Variants in CMTM8 observed in about 807,000 individuals in gnomAD.
The protein encoded by CMTM8 is CKLF-like MARVEL transmembrane domain-containing protein 8.
Under a neutral mutation model 18.6 loss-of-function variants are expected in CMTM8, and 12 were observed. The observed-to-expected ratio is 0.65, with a 90% CI of 0.41 to 1.05. The LOEUF is 1.05. Ranked by LOEUF, CMTM8 falls within the 50% of genes least tolerant of loss-of-function variation. CMTM8 has a pLI of 0.00. For missense variants in CMTM8, 217 were observed against 227.2 expected, an observed-to-expected ratio of 0.95 and a Z score of 0.29; for synonymous variants, 87 against 90.6, an observed-to-expected ratio of 0.96 and a Z score of 0.23.
intron 1 of CMTM8, among the ~76,000 whole-genome samples, chr3:32,264,218 C>T (rs193071798): frequency 2.6e-5 from 4 of 152,290 alleles, no homozygotes; most frequent in African/African-American, 9.6e-5. Flanking sequence ...GGGTTACCCA[C>T]GAGGGGAAGC....
chr3:32,287,334 TAC>T (rs1185229646), intron 1 of CMTM8, among the ~76,000 whole-genome samples: 1 of 152,230 alleles, frequency 6.6e-6, no homozygotes, highest in Non-Finnish European at 1.5e-5. Context: ...ATTAAAATGT[TAC>T]AGAGTCATAA....
At chr3:32,341,967 G>T (rs1178360283) in intron 1 of CMTM8, among the ~76,000 whole-genome samples, 1 of 151,838 alleles carries the variant, frequency 6.6e-6, no homozygotes, top group Non-Finnish European at 1.5e-5. Context: ...CTATTTTAAG[G>T]CTGGGCATGG....
chr3:32,270,727 G>A (rs539150855), intron 1 of CMTM8, among the ~76,000 whole-genome samples: 1 of 152,210 alleles, frequency 6.6e-6, no homozygotes, highest in South Asian at 2.1e-4. Flanking sequence ...TTGTGGGGTG[G>A]GGGGAGCGGG....
chr3:32,300,101 A>T (rs969872469), intron 1 of CMTM8, among the ~76,000 whole-genome samples: 1 of 152,210 alleles, frequency 6.6e-6, no homozygotes, highest in Non-Finnish European at 1.5e-5. Flanking sequence ...CAGATCGAAG[A>T]CCCAAAGATA....
At chr3:32,355,096 C>A (rs1157073377) in intron 1 of CMTM8, among the ~76,000 whole-genome samples, 1 of 152,180 alleles carries the variant, frequency 6.6e-6, no homozygotes, top group East Asian at 1.9e-4. Flanking sequence ...GGCACAGGCA[C>A]CAAAACTGTA....
chr3:32,315,352 A>C (rs1213301842), intron 1 of CMTM8, among the ~76,000 whole-genome samples: 2 of 151,598 alleles, frequency 1.3e-5, no homozygotes, highest in Non-Finnish European at 2.9e-5. Context: ...CTGGTCTCGA[A>C]CTCCTCACCT....
chr3:32,245,934 G>A lies in CMTM8; in HGVS notation c.147+6815G>A, dbSNP rs576687228. ...AGGTTCAAGCAATGCTCATGCCTCA[G>A]CCTCCTGAGTAACTGGGTTTACAGG... is the stretch of plus-strand genomic sequence containing the variant. On this transcript the variant is annotated intron_variant, in intron 1 of 3. Transcript: ENST00000307526. 3.3e-5 allele frequency among the ~76,000 whole-genome samples: 5 copies of A among 152,208 alleles called. No homozygotes were observed. The South Asian group carries it at 1.0e-3, about 32-fold the overall frequency.
At chr3:32,333,532 C>T (rs1022359854) in intron 1 of CMTM8, among the ~76,000 whole-genome samples, 1 of 151,220 alleles carries the variant, frequency 6.6e-6, no homozygotes, top group South Asian at 2.1e-4. Flanking sequence ...TTTTTTTTAT[C>T]CTTTCTCATT....
chr3:32,274,947 C>T (rs1401430173), intron 1 of CMTM8, among the ~76,000 whole-genome samples: 1 of 152,158 alleles, frequency 6.6e-6, no homozygotes, highest in Non-Finnish European at 1.5e-5. Flanking sequence ...TTCTTAGTAC[C>T]ATACATCAAG....
chr3:32,330,217 T>TTTTTTTA (rs1491284724), intron 1 of CMTM8, among the ~76,000 whole-genome samples: 3 of 86,472 alleles, frequency 3.5e-5, no homozygotes, highest in African/African-American at 8.4e-5. Context: ...TTTTTTTTTT[T>TTTTTTTA]GCAGAAATAG....
intron 1 of CMTM8, among the ~76,000 whole-genome samples, chr3:32,323,222 T>C (rs1696091599): frequency 1.3e-5 from 2 of 152,298 alleles, no homozygotes; most frequent in Non-Finnish European, 1.5e-5. Flanking sequence ...TGGACAACTA[T>C]TGAGGGCCTG....
At chr3:32,329,309 AC>A (rs2125582697) in intron 1 of CMTM8, among the ~76,000 whole-genome samples, 1 of 152,180 alleles carries the variant, frequency 6.6e-6, no homozygotes, top group African/African-American at 2.4e-5. Flanking sequence ...CAAGTGATCC[AC>A]CCACCTCAGC....
chr3:32,299,738 G>A (rs999781146), intron 1 of CMTM8, among the ~76,000 whole-genome samples: 1 of 152,188 alleles, frequency 6.6e-6, no homozygotes, highest in African/African-American at 2.4e-5. Flanking sequence ...AGATGACTGA[G>A]TGCCCTTTTA....
At chr3:32,256,088 T>C (rs1702170535) in intron 1 of CMTM8, among the ~76,000 whole-genome samples, 1 of 152,010 alleles carries the variant, frequency 6.6e-6, no homozygotes, top group Non-Finnish European at 1.5e-5. Flanking sequence ...TAACATCCAG[T>C]GTTTTTTGTT....
intron 2 of CMTM8, among the ~76,000 whole-genome samples, chr3:32,364,922 G>A (rs1414934972): frequency 6.6e-6 from 1 of 152,212 alleles, no homozygotes; most frequent in African/African-American, 2.4e-5. Flanking sequence ...GCAGTGATGT[G>A]TGAAGCACCA....
chr3:32,333,631 CAAA>C (rs10576288), intron 1 of CMTM8, among the ~76,000 whole-genome samples: 97 of 114,768 alleles, frequency 8.5e-4, no homozygotes, highest in Admixed American at 1.2e-3. Flanking sequence ...ACTTTTCCAC[CAAA>C]AAAAAAAAAA....
intron 1 of CMTM8, among the ~76,000 whole-genome samples, chr3:32,264,870 T>C (rs1575151164): frequency 6.6e-6 from 1 of 152,110 alleles, no homozygotes; most frequent in Admixed American, 6.6e-5. Context: ...CATTACATAA[T>C]GGTAAAGGGA....
intron 1 of CMTM8, among the ~76,000 whole-genome samples, chr3:32,354,727 C>G (rs1223380350): frequency 6.6e-6 from 1 of 152,180 alleles, no homozygotes; most frequent in African/African-American, 2.4e-5. Context: ...AAGGGCCGTT[C>G]TGACCCTATC....
chr3:32,240,255 T>C (rs1701930355), intron 1 of CMTM8, among the ~76,000 whole-genome samples: 1 of 152,236 alleles, frequency 6.6e-6, no homozygotes, highest in Non-Finnish European at 1.5e-5. Context: ...ACCTGCTCTA[T>C]GAAGCCCCTG....
Sources: gnomAD v4.1 joint callset for allele counts (sites outside exome capture counted in the v4.1 genomes callset) on GRCh38, gnomAD v4.1.1 for gene constraint, MANE v1.5 for transcripts, NCBI Gene and HGNC (gene_info 2026-07-23, HGNC 2026-07-21) for gene names.